DENND3: variants seen among roughly 807,000 people sequenced by gnomAD.
The protein encoded by DENND3 is DENN domain containing 3, also known as DENN domain-containing protein 3.
DENND3 carries 88 observed loss-of-function variants against 135.1 expected under a neutral mutation model. The ratio of observed to expected loss-of-function variants is 0.65; its 90% CI spans 0.55 to 0.78. The LOEUF (loss-of-function observed/expected upper bound fraction) is 0.78. DENND3 is among the 30% of genes least tolerant of loss of function. DENND3 has a pLI of 0.00. For synonymous variants in DENND3, 693 were observed against 712.3 expected (o/e 0.97, Z 0.43); for missense variants, 1,392 against 1,688.4 (o/e 0.82, Z 3.08).
Position 141,141,334 on chromosome 8 carries a change from G to T in DENND3, c.623+10G>T, listed in dbSNP as rs1257060145. The T allele has an allele frequency of 2.5e-6, 4 of 1,612,922 alleles. No homozygotes were observed. Among genetic ancestry groups the T allele is most frequent in the Non-Finnish European group, 3.4e-6 (4 of 1,179,928 alleles). ...AGGACTGCCTTTCCTGGTGAGCTGG[G>T]GCACCGGGGGCCAGGGGTGGTAGGG... On this transcript the variant is annotated intron_variant, in intron 4 of 22. Transcript: ENST00000519811. This position sits in a 1 kb window ranked among gnomAD's most constrained non-coding sequence, Gnocchi z 5.3.
chr8:141,157,218 G>C (rs1034448331), intron 8 of DENND3, among the ~76,000 whole-genome samples: 31 of 152,292 alleles, frequency 2.0e-4, no homozygotes, highest in African/African-American at 5.8e-4. Context: ...TTGGGGCTCT[G>C]AGGTCTCTGT....
In DENND3 at chr8:141,166,406, A is replaced by T; in HGVS notation, c.1753+17A>T. 6.2e-7 allele frequency: 1 copy of T among 1,604,256 alleles called. No individual in the cohort carries two copies. On this transcript the variant is annotated intron_variant, in intron 12 of 22. Transcript: ENST00000519811. The surrounding 1 kb of genome is among the most constrained non-coding windows in gnomAD (Gnocchi z 4.3). ...GCAGCGCAGGTGAGGGCTGCCCCCC[A>T]CTGTGGTGCTGTGTGTCGGTCCCAC...
intron 7 of DENND3, among the ~76,000 whole-genome samples, chr8:141,152,633 G>A (rs1463206978): frequency 6.6e-6 from 1 of 152,152 alleles, no homozygotes; most frequent in African/African-American, 2.4e-5. Flanking sequence ...CAATGAGGTC[G>A]TCGTGATAAA....
At chr8:141,183,731 G>GT (rs1259209795) in intron 17 of DENND3, among the ~76,000 whole-genome samples, 1,820 of 133,830 alleles carry the variant, frequency 0.014, 35 homozygotes, top group African/African-American at 0.051. Flanking sequence ...TCAGTTTTTT[G>GT]TTTTGTTTTT....
intron 6 of DENND3, 30 bp downstream of exon 6, chr8:141,150,983 T>G (rs997458414): frequency 6.7e-7 from 1 of 1,498,316 alleles, no homozygotes. Context: ...CGAGCGCGTC[T>G]TGTGCTCCCT....
intron 18 of DENND3, 176 bp downstream of exon 18, chr8:141,185,454 C>T: frequency 1.3e-6 from 1 of 790,618 alleles, no homozygotes; most frequent in Non-Finnish European, 1.9e-6. Flanking sequence ...TAAGCTTGTT[C>T]CAAACTTCTA....
intron 22 of DENND3, chr8:141,193,756 G>A (rs1825082238): frequency 3.8e-6 from 2 of 530,202 alleles, no homozygotes; most frequent in Admixed American, 3.1e-5. Flanking sequence ...TCACACAGGT[G>A]GCTGTTGTTT....
intron 13 of DENND3, among the ~76,000 whole-genome samples, chr8:141,171,806 C>T (rs767711006): frequency 2.1e-4 from 32 of 149,970 alleles, no homozygotes; most frequent in East Asian, 6.0e-4. Context: ...CGGTGCTGGG[C>T]GTGCACAGTG....
Position 141,138,254 on chromosome 8 carries a change from T to C in DENND3, c.501+117T>C, listed in dbSNP as rs1817016262. On this transcript the variant is annotated intron_variant, in intron 3 of 22. Coordinates refer to ENST00000519811, the MANE Select transcript of DENND3 (RefSeq NM_001352890.3). This position sits in a 1 kb window ranked among gnomAD's most constrained non-coding sequence, Gnocchi z 4.8. ...TTTTAAAGTGTGCAGTTCCGTAACA[T>C]TAAGTACATTCACAGCATTGTGCAA... The C allele has an allele frequency of 1.9e-6, 2 of 1,077,198 alleles. No homozygotes were observed. The highest frequency in any genetic ancestry group is 5.2e-5 in the East Asian group (2 of 38,518). 66.7% of individuals were successfully genotyped at this position (1,077,198 alleles called of 1,614,324 possible). A position where few individuals can be genotyped will look rare whatever the true frequency, so the allele number is the denominator to read the frequency against.
intron 20 of DENND3, 47 bp from the exon 21 acceptor site, chr8:141,192,284 T>C: frequency 6.2e-7 from 1 of 1,604,624 alleles, no homozygotes; most frequent in Non-Finnish European, 8.5e-7. Context: ...GCGTCTTATG[T>C]TGCCAATGAC....
chr8:141,171,849 G>A (rs1821615624), intron 13 of DENND3, among the ~76,000 whole-genome samples: 1 of 150,612 alleles, frequency 6.6e-6, no homozygotes, highest in African/African-American at 2.4e-5. Context: ...GGCGTGCACA[G>A]TGCCTAGATG....
At chr8:141,157,863 G>A (rs1179313140) in intron 8 of DENND3, 45 of 881,128 alleles carry the variant, frequency 5.1e-5, no homozygotes, top group Non-Finnish European at 5.9e-5. Flanking sequence ...AGGTTCAAGC[G>A]ATTCTCCTGC....
rs759908753 is a variant in DENND3, at chr8:141,150,850, C to T, written c.752C>T (p.Ser251Leu). The T allele has an allele frequency of 1.1e-5, 18 of 1,601,694 alleles. No homozygotes were observed. In the East Asian group the frequency reaches 1.1e-4, roughly 10 times the overall value. Residue 251 changes from serine to leucine, a missense_variant, in exon 6 of 23, where the codon TCG becomes TTG. Ser to Leu is a moderately radical substitution (Grantham distance 145). Coordinates refer to ENST00000519811, the MANE Select transcript of DENND3 (RefSeq NM_001352890.3). ...GPLHLVFNMK[S>L]LQIVLPARAD... ...TTGTCGTAGGTATTTAACATGAAGT[C>T]GCTCCAGATTGTGTTACCTGCCCGA... is the stretch of plus-strand genomic sequence containing the variant.
Position 141,180,828 on chromosome 8 carries a change from C to T in DENND3, c.2918C>T (p.Ala973Val), listed in dbSNP as rs201075864. ...NPSAGEAFPQ[A>V]VDVLLYTPGH... is the part of the protein sequence containing the mutation. Reference sequence around the variant, plus strand: ...TCGGCGGGGGAGGCGTTCCCACAAGCGGTGGACGTGCTGCTCTACACTCCA... The same window carrying T: ...TCGGCGGGGGAGGCGTTCCCACAAGTGGTGGACGTGCTGCTCTACACTCCA... Residue 973 changes from alanine to valine, a missense_variant, in exon 17 of 23, where the codon GCG (alanine) becomes GTG (valine). Transcript: ENST00000519811. 1.5e-4 allele frequency: 240 copies of T among 1,613,326 alleles called. No individual in the cohort carries two copies. The highest frequency in any genetic ancestry group is 8.3e-4 in the Middle Eastern group (5 of 6,060).
At chr8:141,171,212 C>A (rs879620248) in intron 13 of DENND3, among the ~76,000 whole-genome samples, 3 of 152,144 alleles carry the variant, frequency 2.0e-5, no homozygotes, top group African/African-American at 4.8e-5. Flanking sequence ...TTAAAAAAAA[C>A]AACAAGGTTT....
chr8:141,183,728 TTTG>T (rs1029892350), intron 17 of DENND3, among the ~76,000 whole-genome samples: 2 of 145,000 alleles, frequency 1.4e-5, no homozygotes, highest in Non-Finnish European at 1.5e-5. Flanking sequence ...CTGTCAGTTT[TTTG>T]TTTTGTTTTT....
chr8:141,160,116 C>T (rs181595900), intron 8 of DENND3, among the ~76,000 whole-genome samples: 126 of 151,476 alleles, frequency 8.3e-4, no homozygotes, highest in Admixed American at 5.0e-3. Context: ...TAGTCCAAGT[C>T]GAGGCCCATG....
intron 15 of DENND3, 151 bp downstream of exon 15, chr8:141,176,912 AG>A: frequency 1.2e-6 from 1 of 843,706 alleles, no homozygotes; most frequent in Middle Eastern, 3.7e-4. Context: ...CCATCTTGAC[AG>A]AAGCATTGAA....
intron 13 of DENND3, among the ~76,000 whole-genome samples, chr8:141,170,656 C>G (rs896406958): frequency 6.6e-6 from 1 of 152,200 alleles, no homozygotes; most frequent in African/African-American, 2.4e-5. Context: ...CCAGGCAGGG[C>G]GGGGTGGGCC....
Sources: allele counts gnomAD v4.1 joint callset (sites outside exome capture counted in the v4.1 genomes callset), GRCh38; gene constraint gnomAD v4.1.1; non-coding constraint Gnocchi (gnomAD v3.1); transcripts MANE v1.5; gene names NCBI Gene and HGNC (gene_info 2026-07-23, HGNC 2026-07-21).